The following CFH variants were observed in gnomAD, a reference collection of about 807,000 sequenced individuals.
CFH encodes the protein H factor 1 (complement).
Under a neutral mutation model 147.3 loss-of-function variants are expected in CFH, and 53 were observed. That is an observed-to-expected ratio of 0.36 (90% CI 0.29 to 0.45). CFH has a LOEUF of 0.45. CFH is among the 20% of genes least tolerant of loss of function. The probability of loss-of-function intolerance (pLI) is 1.00; values close to 1 mark genes in which losing one functional copy is unlikely to be tolerated. For synonymous variants in CFH, 536 were observed against 489.4 expected, an observed-to-expected ratio of 1.10 and a Z score of -1.26; for missense variants, 1,380 against 1,498.0, an observed-to-expected ratio of 0.92 and a Z score of 1.30.
At chr1:196,672,832 A>G in intron 1 of CFH, 146 bp from the exon 2 acceptor site, 1 of 630,498 alleles carries the variant, frequency 1.6e-6, no homozygotes, top group Non-Finnish European at 2.8e-6. Flanking sequence ...TACTCCATAG[A>G]TATGGGGTTA....
intron 11 of CFH, among the ~76,000 whole-genome samples, chr1:196,716,947 T>C (rs1668884056): frequency 6.6e-6 from 1 of 151,956 alleles, no homozygotes. Context: ...TATCATCATA[T>C]AAATGATGAC....
At position 196,727,745 on chromosome 1, in the gene CFH, G is replaced by T. The variant is rs419137; in HGVS notation, c.2237-601G>T. Among the ~76,000 whole-genome samples the T allele has an allele frequency of 0.92, 140,333 of 152,214 alleles. 64,886 individuals carry two copies. The highest frequency in any genetic ancestry group is 1 in the East Asian group (5,166 of 5,168). ...TTGTTCCATATCAGCCAAAATAAGT[G>T]AATGTGCTGCAGGGTTGGTGGGCCA... On this transcript the variant is annotated intron_variant, in intron 14 of 21. Coordinates refer to ENST00000367429, the MANE Select transcript of CFH (RefSeq NM_000186.4).
chr1:196,652,436 T>C (rs938082769), intron 1 of CFH, among the ~76,000 whole-genome samples: 7 of 151,896 alleles, frequency 4.6e-5, no homozygotes, highest in Non-Finnish European at 7.4e-5. Flanking sequence ...AACTATGATC[T>C]GGAATAATCA....
intron 6 of CFH, among the ~76,000 whole-genome samples, chr1:196,681,129 G>A (rs1254960870): frequency 1.3e-5 from 2 of 151,762 alleles, no homozygotes; most frequent in Non-Finnish European, 2.9e-5. Context: ...AATCTATAGT[G>A]AATTTATCCA....
At chr1:196,684,574 A>C (rs1245864993) in intron 6 of CFH, among the ~76,000 whole-genome samples, 1 of 151,962 alleles carries the variant, frequency 6.6e-6, no homozygotes, top group African/African-American at 2.4e-5. Context: ...ATGGCTTTTA[A>C]AACTTCTCTC....
intron 1 of CFH, among the ~76,000 whole-genome samples, chr1:196,666,888 G>A (rs188215805): frequency 1.3e-3 from 190 of 151,508 alleles, no homozygotes; most frequent in African/African-American, 4.3e-3. Context: ...AATGTCTAGT[G>A]GTCAGGGAGT....
chr1:196,652,841 T>G (rs1348446303), intron 1 of CFH, among the ~76,000 whole-genome samples: 2 of 151,646 alleles, frequency 1.3e-5, no homozygotes, highest in African/African-American at 2.4e-5. Context: ...AATGTAGGAG[T>G]TTTTTTCTGA....
At chr1:196,689,195 G>T (rs985840641) in intron 7 of CFH, among the ~76,000 whole-genome samples, 1 of 151,982 alleles carries the variant, frequency 6.6e-6, no homozygotes, top group Non-Finnish European at 1.5e-5. Flanking sequence ...ACAAATTTAC[G>T]CATCATGTGA....
intron 1 of CFH, among the ~76,000 whole-genome samples, chr1:196,656,686 G>GTT (rs563378238): frequency 0.034 from 4,529 of 132,476 alleles, 313 homozygotes; most frequent in African/African-American, 0.11. Flanking sequence ...TGTGTGTTGC[G>GTT]TTTTTTTTTT....
rs947057888 is a variant in CFH, at chr1:196,717,155, G to T, written c.1696+1386G>T. ...AAAATAAGGAAATTATTAATGAAAA[G>T]GTAGTGTAACAGATTGCTTAATAAG... On this transcript the variant is annotated intron_variant, in intron 11 of 21. Coordinates refer to ENST00000367429, the MANE Select transcript of CFH (RefSeq NM_000186.4). Among the ~76,000 whole-genome samples the T allele has an allele frequency of 2.0e-5, 3 of 152,058 alleles. No homozygotes were observed. The East Asian group carries it at 5.8e-4, about 29-fold the overall frequency.
At chr1:196,728,952 CTCTG>C (rs34420836) in intron 15 of CFH, among the ~76,000 whole-genome samples, 24,371 of 151,930 alleles carry the variant, frequency 0.16, 2,459 homozygotes, top group East Asian at 0.48. Flanking sequence ...TAATCTATCT[CTCTG>C]TCTATTCATC....
intron 1 of CFH, among the ~76,000 whole-genome samples, chr1:196,672,597 T>G (rs894272743): frequency 3.9e-5 from 6 of 152,336 alleles, no homozygotes; most frequent in African/African-American, 1.4e-4. Flanking sequence ...GTTTCTTCAT[T>G]GTTTTTTCTT....
chr1:196,672,111 G>A (rs1321327655), intron 1 of CFH, among the ~76,000 whole-genome samples: 1 of 152,006 alleles, frequency 6.6e-6, no homozygotes, highest in Non-Finnish European at 1.5e-5. Flanking sequence ...CTCTAGCAAA[G>A]CAACCTGATT....
At chr1:196,659,176 C>A (rs1359811321) in intron 1 of CFH, among the ~76,000 whole-genome samples, 2 of 152,154 alleles carry the variant, frequency 1.3e-5, no homozygotes, top group African/African-American at 4.8e-5. Context: ...AGTTTGACTA[C>A]TTGGGCCAAA....
chr1:196,705,598 G>T lies in CFH; in HGVS notation c.1337-8137G>T, dbSNP rs182317031. Among the ~76,000 whole-genome samples the T allele has an allele frequency of 2.0e-5, 3 of 152,282 alleles. No individual in the cohort carries two copies. In the South Asian group the frequency reaches 6.2e-4, roughly 32 times the overall value. ...TGATTTGTTCATACATGAGAGAGAA[G>T]GGATGGGTTTAGGAGTAGTAACCCA... On this transcript the variant is annotated intron_variant, in intron 9 of 21. Transcript: ENST00000367429.
chr1:196,711,466 GGATTTTTTTTTAACTCCATTC>G (rs1390454211), intron 9 of CFH, among the ~76,000 whole-genome samples: 1 of 151,516 alleles, frequency 6.6e-6, no homozygotes, highest in African/African-American at 2.4e-5. Context: ...ACCAAAATGT[GGATTTTTTTTTAACTCCATTC>G]TGTATTTTGG....
intron 1 of CFH, among the ~76,000 whole-genome samples, chr1:196,672,335 T>C (rs34327103): frequency 0.013 from 2,023 of 152,292 alleles, 57 homozygotes; most frequent in African/African-American, 0.046. Context: ...TTAATCCTCT[T>C]TGCTCCCACA....
intron 7 of CFH, among the ~76,000 whole-genome samples, chr1:196,689,177 G>A (rs574740126): frequency 1.9e-4 from 29 of 152,168 alleles, no homozygotes; most frequent in Middle Eastern, 3.4e-3. Context: ...TTTCTGGAGA[G>A]CCTTCATACA....
rs1424101431 is a variant in CFH, at chr1:196,728,226, T to G, written c.2237-120T>G. 6.7e-6 allele frequency: 5 copies of G among 741,352 alleles called. No individual in the cohort carries two copies. The East Asian group carries it at 1.2e-4, about 18-fold the overall frequency. The allele number at this position is 741,352 out of a possible 1,614,324, so 45.9% of individuals were successfully genotyped here. On this transcript the variant is annotated intron_variant, in intron 14 of 21. Transcript: ENST00000367429. ...TCAGGAATAACTTGGTTGGTGAAAT[T>G]TATAATGATTAAGTCATAATTTTAC... is the stretch of plus-strand genomic sequence containing the variant.
Sources: gnomAD v4.1 joint callset for allele counts (sites outside exome capture counted in the v4.1 genomes callset) on GRCh38, gnomAD v4.1.1 for gene constraint, MANE v1.5 for transcripts, NCBI Gene and HGNC (gene_info 2026-07-23, HGNC 2026-07-21) for gene names.